Variants in DPY30 observed in about 807,000 individuals in gnomAD.
The protein encoded by DPY30 is protein dpy-30 homolog.
DPY30 carries 6 observed loss-of-function variants against 16.2 expected under a neutral mutation model. The ratio of observed to expected loss-of-function variants is 0.37; its 90% CI spans 0.20 to 0.73. The LOEUF (loss-of-function observed/expected upper bound fraction) is 0.73. DPY30 is among the 30% of genes least tolerant of loss of function. DPY30 has a pLI of 0.51. For synonymous variants in DPY30, 39 were observed against 38.8 expected (o/e 1.00, Z -0.02); for missense variants, 73 against 113.1 (o/e 0.65, Z 1.61).
chr2:32,019,853 T>C (rs1029070735), downstream of DPY30, among the ~76,000 whole-genome samples: 13 of 143,384 alleles, frequency 9.1e-5, no homozygotes, highest in East Asian at 2.0e-4. Context: ...TATATATATA[T>C]ATACACACAC....
intron 4 of DPY30, among the ~76,000 whole-genome samples, chr2:32,027,322 G>A (rs1372858563): frequency 2.7e-5 from 4 of 149,780 alleles, no homozygotes; most frequent in Non-Finnish European, 4.4e-5. Flanking sequence ...CTGAGGTCAG[G>A]AGTTCAAGAC....
intron 3 of DPY30, among the ~76,000 whole-genome samples, chr2:32,034,858 G>A (rs1444857176): frequency 3.3e-5 from 5 of 152,012 alleles, no homozygotes; most frequent in Admixed American, 2.0e-4. Context: ...AATTCGGCAG[G>A]CATGGTGGCA....
chr2:32,028,541 G>A (rs1233640627), intron 4 of DPY30, among the ~76,000 whole-genome samples: 5 of 152,206 alleles, frequency 3.3e-5, no homozygotes, highest in East Asian at 1.9e-4. Flanking sequence ...AGTGGCTCAC[G>A]CCTATAATCC....
intron 3 of DPY30, among the ~76,000 whole-genome samples, chr2:32,032,919 C>T (rs911098306): frequency 6.6e-6 from 1 of 151,966 alleles, no homozygotes; most frequent in African/African-American, 2.4e-5. Flanking sequence ...TTGCTTGAAC[C>T]CTGGAGGCAG....
intron 5 of DPY30, chr2:32,013,132 G>A (rs1675001762): frequency 6.6e-6 from 1 of 152,140 alleles, no homozygotes; most frequent in African/African-American, 2.4e-5. Context: ...GCAAACAGGA[G>A]TAATAGCTAA....
chr2:32,014,266 TGAG>T (rs1475836909), intron 5 of DPY30, among the ~76,000 whole-genome samples: 2 of 152,118 alleles, frequency 1.3e-5, no homozygotes, highest in East Asian at 3.9e-4. Context: ...GAGGATCACT[TGAG>T]GCCAGGAGTT....
At chr2:32,014,704 C>T (rs924841678) in intron 5 of DPY30, among the ~76,000 whole-genome samples, 1 of 151,808 alleles carries the variant, frequency 6.6e-6, no homozygotes, top group African/African-American at 2.4e-5. Context: ...AGGATGGTTT[C>T]GATCTCCTGA....
chr2:32,037,650 G>A (rs959400253), intron 3 of DPY30, among the ~76,000 whole-genome samples: 13 of 151,246 alleles, frequency 8.6e-5, no homozygotes, highest in Non-Finnish European at 1.6e-4. Flanking sequence ...CTCTGCCTCC[G>A]GGGTTCAAGC....
chr2:32,013,719 A>G (rs1040020883), intron 5 of DPY30, among the ~76,000 whole-genome samples: 1 of 152,182 alleles, frequency 6.6e-6, no homozygotes. Flanking sequence ...TTCAAGAAAT[A>G]AGAAGGCAGG....
intron 3 of DPY30, among the ~76,000 whole-genome samples, chr2:32,037,092 C>T (rs1260328969): frequency 3.3e-5 from 5 of 152,096 alleles, no homozygotes; most frequent in Non-Finnish European, 5.9e-5. Flanking sequence ...AAAATAATGA[C>T]TTTTTCAGAC....
chr2:32,017,219 C>A (rs1675082892), intron 5 of DPY30, among the ~76,000 whole-genome samples: 1 of 152,084 alleles, frequency 6.6e-6, no homozygotes, highest in Non-Finnish European at 1.5e-5. Flanking sequence ...TTCCATTTAA[C>A]CAGTTTATGA....
At chr2:32,035,477 C>A (rs1487172586) in intron 3 of DPY30, among the ~76,000 whole-genome samples, 1 of 151,450 alleles carries the variant, frequency 6.6e-6, no homozygotes, top group Non-Finnish European at 1.5e-5. Context: ...TGGCTCCCAG[C>A]TACTTGGGAG....
At chr2:32,023,190 G>A (rs1400472138), downstream of DPY30, among the ~76,000 whole-genome samples, 1 of 151,778 alleles carries the variant, frequency 6.6e-6, no homozygotes, top group East Asian at 1.9e-4. Flanking sequence ...GGAAATGGGG[G>A]TGGGGAGAGA....
chr2:32,026,719 C>T (rs756049052), intron 4 of DPY30, among the ~76,000 whole-genome samples: 22 of 151,620 alleles, frequency 1.5e-4, no homozygotes, highest in Middle Eastern at 6.9e-3. Flanking sequence ...ACCAGGGAGG[C>T]GGAGGTTGCA....
chr2:32,036,119 G>T (rs1424797985), intron 3 of DPY30, among the ~76,000 whole-genome samples: 1 of 150,192 alleles, frequency 6.7e-6, no homozygotes. Context: ...TGAGTAGCTG[G>T]TACTATAGGC....
At chr2:32,020,447 G>C, downstream of DPY30, among the ~76,000 whole-genome samples, 1 of 151,854 alleles carries the variant, frequency 6.6e-6, no homozygotes, top group East Asian at 1.9e-4. Flanking sequence ...AGGGCTTCAA[G>C]GTTGCAGTGA....
downstream of DPY30, among the ~76,000 whole-genome samples, chr2:32,019,358 C>T (rs1216637525): frequency 1.3e-5 from 2 of 152,030 alleles, no homozygotes; most frequent in Non-Finnish European, 2.9e-5. Context: ...GGGTATTAAG[C>T]TAAAATTAGC....
downstream of DPY30, chr2:32,021,185 C>T (rs1156790149): frequency 1.3e-5 from 2 of 152,282 alleles, no homozygotes; most frequent in African/African-American, 4.8e-5. Context: ...AGGAGAATTG[C>T]TTGAACCTGG....
chr2:32,035,332 G>A (rs539972317), intron 3 of DPY30, among the ~76,000 whole-genome samples: 4 of 152,038 alleles, frequency 2.6e-5, no homozygotes, highest in Middle Eastern at 3.4e-3. Context: ...CGCCGGGCAC[G>A]GTGGCTCACA....
Sources: gnomAD v4.1 joint callset for allele counts (sites outside exome capture counted in the v4.1 genomes callset) on GRCh38, gnomAD v4.1.1 for gene constraint, MANE v1.5 for transcripts, NCBI Gene and HGNC (gene_info 2026-07-23, HGNC 2026-07-21) for gene names.